The following PGS1 variants were observed in gnomAD, a reference collection of about 807,000 sequenced individuals.
PGS1 encodes CDP-diacylglycerol--glycerol-3-phosphate 3-phosphatidyltransferase, mitochondrial.
In PGS1, 44 loss-of-function variants were observed where a neutral mutation model predicts 58.3. The observed-to-expected ratio is 0.75, with a 90% confidence interval of 0.59 to 0.97. The LOEUF (loss-of-function observed/expected upper bound fraction) is 0.97. Among genes scored for constraint, PGS1 ranks in the 50% least tolerant of loss-of-function variants. The pLI, the probability that PGS1 is intolerant of heterozygous loss-of-function variation, is 0.00. For missense variants in PGS1, 684 were observed against 731.1 expected, an observed-to-expected ratio of 0.94 and a Z score of 0.74; for synonymous variants, 330 against 311.0, an observed-to-expected ratio of 1.06 and a Z score of -0.64.
chr17:78,419,798 A>G (rs900219393), intron 9 of PGS1, 123 bp downstream of exon 9: 3 of 1,514,266 alleles, frequency 2.0e-6, no homozygotes, highest in Non-Finnish European at 1.8e-6. Flanking sequence ...AGTTAAACAC[A>G]GAGCAGCATC....
At position 78,400,704 on chromosome 17, in the gene PGS1, C is replaced by T. The variant is rs752872166; in HGVS notation, c.729C>T (p.Thr243=). ...CAAACCTGAGTGACTCCTACTTCACCAACCGCCAGGACCGCTACGTGTTCC... is the reference window on the plus strand; with the variant it reads ...CAAACCTGAGTGACTCCTACTTCACTAACCGCCAGGACCGCTACGTGTTCC... ...SGANLSDSYF[T]NRQDRYVFLQ... The change falls in exon 6 of 10, where the codon ACC becomes ACT. Residue 243 remains threonine, a synonymous_variant. Coordinates refer to ENST00000262764, the MANE Select transcript of PGS1 (RefSeq NM_024419.5). The surrounding 1 kb of genome is among the most constrained non-coding windows in gnomAD (Gnocchi z 4.4). 6 of 1,613,936 alleles carry T rather than the reference C, an allele frequency of 3.7e-6. No homozygotes were observed. Among genetic ancestry groups the T allele is most frequent in the Non-Finnish European group, 5.1e-6 (6 of 1,179,938 alleles).
intron 1 of PGS1, among the ~76,000 whole-genome samples, chr17:78,389,910 T>C (rs568896866): frequency 3.3e-5 from 5 of 152,220 alleles, no homozygotes; most frequent in Non-Finnish European, 7.3e-5. Context: ...GCCACTGTGC[T>C]GGGCTGCGGC....
At position 78,410,036 on chromosome 17, in the gene PGS1, G is replaced by A. The variant is rs2084496229; in HGVS notation, c.1403-4843G>A. Among the ~76,000 whole-genome samples the A allele has an allele frequency of 2.0e-5, 3 of 152,272 alleles. No individual in the cohort carries two copies. In the South Asian group the frequency reaches 6.2e-4, roughly 32 times the overall value. ...TGAGGCATGAGAATCACTTGAACCT[G>A]GGAGACGGAGGTTGCAGTGAGCTGA... is the stretch of plus-strand genomic sequence containing the variant. On this transcript the variant is annotated intron_variant, in intron 7 of 9. Transcript: ENST00000262764.
At chr17:78,391,348 C>G (rs1369636918) in intron 1 of PGS1, among the ~76,000 whole-genome samples, 1 of 151,926 alleles carries the variant, frequency 6.6e-6, no homozygotes, top group Non-Finnish European at 1.5e-5. Context: ...GACAGGGTCT[C>G]GCTGTGCCAC....
chr17:78,399,537 G>A lies in PGS1; in HGVS notation c.701G>A (p.Gly234Asp), dbSNP rs773840843. 8.1e-6 allele frequency: 13 copies of A among 1,613,924 alleles called. No individual in the cohort carries two copies. The highest frequency in any genetic ancestry group is 1.1e-5 in the Non-Finnish European group (13 of 1,179,962). Reference sequence around the variant, plus strand: ...TTCGACAACAGCGTCATCTTGAGCGGGTGAGTGCTTCCCACCGTCAGTGCT... The same window carrying A: ...TTCGACAACAGCGTCATCTTGAGCGAGTGAGTGCTTCCCACCGTCAGTGCT... ...YLFDNSVILS[G>D]ANLSDSYFTN... Residue 234 changes from glycine to aspartate, a missense_variant and splice_region_variant, in exon 5 of 10, where the codon GGT becomes GAT. By Grantham distance (94) the Gly-to-Asp change is moderately conservative. Transcript: ENST00000262764.
intron 7 of PGS1, among the ~76,000 whole-genome samples, chr17:78,405,468 C>T (rs1442436336): frequency 6.6e-6 from 1 of 152,100 alleles, no homozygotes; most frequent in Non-Finnish European, 1.5e-5. Flanking sequence ...CACAGTCTTG[C>T]TGGTGGGGGT....
intron 7 of PGS1, among the ~76,000 whole-genome samples, chr17:78,406,371 C>G (rs953572315): frequency 6.6e-6 from 1 of 152,166 alleles, no homozygotes; most frequent in Non-Finnish European, 1.5e-5. Flanking sequence ...TCATCCACCT[C>G]TGTGGGGATT....
intron 8 of PGS1, among the ~76,000 whole-genome samples, chr17:78,418,525 ATATGAGT>A (rs2085404732): frequency 6.6e-6 from 1 of 152,122 alleles, no homozygotes; most frequent in Non-Finnish European, 1.5e-5. Context: ...CTGGTTTGTC[ATATGAGT>A]TGTTAATAAG....
At chr17:78,384,499 C>A (rs533395530) in intron 1 of PGS1, among the ~76,000 whole-genome samples, 1 of 152,252 alleles carries the variant, frequency 6.6e-6, no homozygotes, top group Admixed American at 6.5e-5. Context: ...ATATTGCAAT[C>A]CAGAGAGCTC....
chr17:78,387,575 AG>A (rs1448311057), intron 1 of PGS1, among the ~76,000 whole-genome samples: 1 of 145,760 alleles, frequency 6.9e-6, no homozygotes, highest in Non-Finnish European at 1.5e-5. Context: ...TTGGGATTAC[AG>A]GTGTGAGCCA....
chr17:78,384,658 C>T (rs1477419921), intron 1 of PGS1, among the ~76,000 whole-genome samples: 1 of 152,164 alleles, frequency 6.6e-6, no homozygotes, highest in Non-Finnish European at 1.5e-5. Flanking sequence ...GAATTACCGA[C>T]CTGTGTTTGG....
At position 78,424,061 on chromosome 17, in the gene PGS1, G is replaced by C; in HGVS notation, c.*11G>C. 1 of 1,614,042 alleles carries C rather than the reference G, an allele frequency of 6.2e-7. No individual in the cohort carries two copies. Among genetic ancestry groups the C allele is most frequent in the East Asian group, 2.2e-5 (1 of 44,892 alleles). The stretch of plus-strand genomic sequence containing the variant: ...TTCTTGGTCTCCATGCGGTCCACAG[G>C]AATGGCCTTGATGAAGATGACAGGC... On this transcript the variant is annotated splice_region_variant and 3_prime_UTR_variant, in exon 10 of 10. Transcript: ENST00000262764.
At chr17:78,421,690 C>CATTCCTCCAG (rs918237402) in intron 9 of PGS1, 7 of 152,404 alleles carry the variant, frequency 4.6e-5, no homozygotes, top group Admixed American at 1.3e-4. Flanking sequence ...ACAGAGTTCG[C>CATTCCTCCAG]ATTCCTCCAG....
chr17:78,383,702 T>G (rs2082190797), intron 1 of PGS1, among the ~76,000 whole-genome samples: 1 of 152,350 alleles, frequency 6.6e-6, no homozygotes, highest in East Asian at 1.9e-4. Context: ...AGCAGTATAA[T>G]GGCTGGGAAG....
At chr17:78,415,458 C>G (rs2085099886) in intron 8 of PGS1, among the ~76,000 whole-genome samples, 1 of 152,104 alleles carries the variant, frequency 6.6e-6, no homozygotes, top group African/African-American at 2.4e-5. Context: ...TGGTGAAACC[C>G]CACCTTTACT....
chr17:78,417,380 C>T (rs2146330044), intron 8 of PGS1, among the ~76,000 whole-genome samples: 1 of 152,282 alleles, frequency 6.6e-6, no homozygotes, highest in East Asian at 1.9e-4. Context: ...ATTAGGAGGC[C>T]CCATGTCTGT....
At chr17:78,412,146 G>A (rs988568155) in intron 7 of PGS1, among the ~76,000 whole-genome samples, 1 of 152,024 alleles carries the variant, frequency 6.6e-6, no homozygotes, top group African/African-American at 2.4e-5. Flanking sequence ...GGGGCATGCT[G>A]GGGTGTGGGC....
chr17:78,402,397 C>A (rs901712280), intron 6 of PGS1, among the ~76,000 whole-genome samples: 2 of 108,288 alleles, frequency 1.8e-5, no homozygotes, highest in African/African-American at 6.3e-5. Context: ...AATTTCTATT[C>A]ATATATATAT....
intron 1 of PGS1, among the ~76,000 whole-genome samples, chr17:78,385,634 A>G (rs959671186): frequency 2.6e-5 from 4 of 152,124 alleles, no homozygotes; most frequent in African/African-American, 9.7e-5. Context: ...TGTGTTGGCC[A>G]GGCTGGTCTT....
Sources: gnomAD v4.1 joint callset for allele counts (sites outside exome capture counted in the v4.1 genomes callset) on GRCh38, gnomAD v4.1.1 for gene constraint, Gnocchi (gnomAD v3.1) non-coding constraint, MANE v1.5 for transcripts, NCBI Gene and HGNC (gene_info 2026-07-23, HGNC 2026-07-21) for gene names.